Variants in DAO observed in about 807,000 individuals in gnomAD.
The protein encoded by DAO is D-amino-acid oxidase.
Under a neutral mutation model 50.1 loss-of-function variants are expected in DAO, and 51 were observed. That is an observed-to-expected ratio of 1.02 (90% CI 0.81 to 1.29). DAO has a LOEUF of 1.29. Among genes scored for constraint, DAO ranks in the 50% most tolerant of loss-of-function variants. The pLI is 0.00. For missense variants in DAO, 436 were observed against 439.4 expected, an observed-to-expected ratio of 0.99 and a Z score of 0.07; for synonymous variants, 160 against 166.2, an observed-to-expected ratio of 0.96 and a Z score of 0.29.
rs548534034 is a variant in DAO, at chr12:108,884,998, G to T, written c.-9G>T. ...GTGCCTCAACCCTTCCTTCCCACAG[G>T]CTGCTGCAATGCGTGTGGTGGTGAT... On this transcript the variant is annotated splice_region_variant and 5_prime_UTR_variant, in exon 2 of 11. Transcript: ENST00000228476. 3.1e-6 allele frequency: 5 copies of T among 1,613,950 alleles called. No individual in the cohort carries two copies. Among genetic ancestry groups the T allele is most frequent in the Non-Finnish European group, 4.2e-6 (5 of 1,179,958 alleles).
chr12:108,897,136 T>G (rs774160299), intron 8 of DAO, 48 bp downstream of exon 8: 19 of 1,358,548 alleles, frequency 1.4e-5, no homozygotes, highest in Non-Finnish European at 1.7e-5. Flanking sequence ...CTTCATGCCC[T>G]CTTCATGACC....
chr12:108,899,259 G>C, intron 9 of DAO, 118 bp from the exon 10 acceptor site: 1 of 726,020 alleles, frequency 1.4e-6, no homozygotes, highest in Non-Finnish European at 2.5e-6. Flanking sequence ...TGATAAAGAT[G>C]ACTGTGATTA....
At chr12:108,885,760 T>A (rs12229954) in intron 2 of DAO, among the ~76,000 whole-genome samples, 26,091 of 152,140 alleles carry the variant, frequency 0.17, 3,316 homozygotes, top group East Asian at 0.48. Flanking sequence ...TATACATTTT[T>A]ATTTATTTTT....
rs762956163 is a variant in DAO, at chr12:108,898,747, A to G, written c.764A>G (p.Asp255Gly). 4 of 1,614,110 alleles carry G rather than the reference A, an allele frequency of 2.5e-6. No individual in the cohort carries two copies. In the Admixed American group the frequency reaches 5.0e-5, roughly 20 times the overall value. ...TGGAGTGAACTAAACAATATCCAGG[A>G]CCACAACACCATTTGGGAAGGCTGC... is the stretch of plus-strand genomic sequence containing the variant. ...GNWSELNNIQ[D>G]HNTIWEGCCR... is the part of the protein sequence containing the mutation. The change falls in exon 9 of 11, where the codon GAC becomes GGC. Residue 255 changes from aspartate (D) to glycine (G), a missense_variant. Coordinates refer to ENST00000228476, the MANE Select transcript of DAO (RefSeq NM_001917.5).
intron 8 of DAO, among the ~76,000 whole-genome samples, chr12:108,898,236 G>A (rs373099322): frequency 7.9e-5 from 12 of 152,232 alleles, no homozygotes; most frequent in African/African-American, 2.6e-4. Context: ...GTTGATGAAG[G>A]TGTGATTGGG....
In DAO at chr12:108,885,128, C is replaced by T; in HGVS notation, c.122C>T (p.Pro41Leu). Residue 41 changes from proline to leucine, a missense_variant, in exon 2 of 11, where the codon CCA (proline) becomes CTA (leucine). By Grantham distance (98) the Pro-to-Leu change is moderately conservative. Coordinates refer to ENST00000228476, the MANE Select transcript of DAO (RefSeq NM_001917.5). ...DIKVYADRFT[P>L]LTTTDVAAGL... ...AAGGTCTACGCGGACCGCTTCACCC[C>T]ACTCACCACCACCGACGTGGCTGCC... 6.2e-7 allele frequency: 1 copy of T among 1,613,276 alleles called. No individual in the cohort carries two copies. The highest frequency in any genetic ancestry group is 8.5e-7 in the Non-Finnish European group (1 of 1,179,316).
chr12:108,891,228 C>T (rs2137351953), intron 5 of DAO, among the ~76,000 whole-genome samples: 1 of 152,090 alleles, frequency 6.6e-6, no homozygotes, highest in South Asian at 2.1e-4. Context: ...GTGGGCAGAT[C>T]ACTTGAGCCC....
At position 108,896,419 on chromosome 12, in the gene DAO, CAAA is replaced by C. The variant is rs386377704; in HGVS notation, c.613-566_613-564del. On this transcript the variant is annotated intron_variant, in intron 7 of 10. Transcript: ENST00000228476. ...GCCTGGCAACAGAGCGAGGCTGTCT[CAAA>C]AAAAAAAAAAAAAAAAAAAATTGAA... 4.0e-3 allele frequency among the ~76,000 whole-genome samples: 236 copies of C among 59,528 alleles called. 1 individual carries two copies. The highest frequency in any genetic ancestry group is 0.014 in the African/African-American group (220 of 15,722). The allele number at this position is 59,528 out of a possible 152,430, so 39.1% of individuals were successfully genotyped here. A position where few individuals can be genotyped will look rare whatever the true frequency, so the allele number is the denominator to read the frequency against.
rs1344838400 is a variant in DAO at position 108,885,069 on chromosome 12, G to C, written c.63G>C (p.Glu21Asp). The part of the protein sequence containing the change: ...IGLSTALCIH[E>D]RYHSVLQPLD... Reference sequence around the variant, plus strand: ...TGTCCACCGCCCTCTGCATCCATGAGCGCTACCACTCAGTCCTGCAGCCAC... The same window carrying C: ...TGTCCACCGCCCTCTGCATCCATGACCGCTACCACTCAGTCCTGCAGCCAC... Residue 21 changes from glutamate to aspartate, a missense_variant, in exon 2 of 11, where the codon GAG becomes GAC. Physicochemically the swap from Glu to Asp is conservative, Grantham distance 45. Transcript: ENST00000228476. 2.5e-6 allele frequency: 4 copies of C among 1,614,164 alleles called. No homozygotes were observed. Among genetic ancestry groups the C allele is most frequent in the Non-Finnish European group, 2.5e-6 (3 of 1,180,014 alleles).
In DAO at chr12:108,897,048, C is replaced by T. The variant is rs1471712393; in HGVS notation, c.655C>T (p.Pro219Ser). 1.9e-6 allele frequency: 3 copies of T among 1,613,976 alleles called. No homozygotes were observed. Among genetic ancestry groups the T allele is most frequent in the Non-Finnish European group, 2.5e-6 (3 of 1,179,948 alleles). Reference protein sequence around the residue: ...WMKHFILTHDPERGIYNSPYI... With the variant: ...WMKHFILTHDSERGIYNSPYI... ...GAAGCACTTCATTCTCACCCATGAC[C>T]CAGAGAGAGGCATCTACAATTCCCC... Residue 219 changes from proline (P) to serine (S), a missense_variant, in exon 8 of 11, where the codon CCA (proline) becomes TCA (serine). By Grantham distance (74) the Pro-to-Ser change is moderately conservative (BLOSUM62 -1). Coordinates refer to ENST00000228476, the MANE Select transcript of DAO (RefSeq NM_001917.5).
chr12:108,895,890 A>T (rs1214378734), intron 7 of DAO, among the ~76,000 whole-genome samples: 1 of 151,868 alleles, frequency 6.6e-6, no homozygotes, highest in Admixed American at 6.6e-5. Flanking sequence ...CAACCAAATG[A>T]GTGACTGAAG....
At chr12:108,885,625 A>G (rs1801802703) in intron 2 of DAO, among the ~76,000 whole-genome samples, 1 of 152,096 alleles carries the variant, frequency 6.6e-6, no homozygotes, top group African/African-American at 2.4e-5. Flanking sequence ...TAAAGAAAAG[A>G]TTCATAAATA....
At chr12:108,890,125 T>C (rs2039475152) in intron 4 of DAO, 83 bp from the exon 5 acceptor site, 1 of 1,182,812 alleles carries the variant, frequency 8.5e-7, no homozygotes, top group Non-Finnish European at 1.3e-6. Context: ...CAGAACAACA[T>C]TGCTCCCACC....
rs1200738602 is a variant in DAO at position 108,898,738 on chromosome 12, A to G, written c.755A>G (p.Asn252Ser). Reference protein sequence around the residue: ...FQLGNWSELNNIQDHNTIWEG... With the variant: ...FQLGNWSELNSIQDHNTIWEG... ...TTGGGAAACTGGAGTGAACTAAACA[A>G]TATCCAGGACCACAACACCATTTGG... The change falls in exon 9 of 11, where the codon AAT becomes AGT. Residue 252 changes from asparagine (N) to serine (S), a missense_variant. Physicochemically the swap from Asn to Ser is conservative, Grantham distance 46 (BLOSUM62 1). Coordinates refer to ENST00000228476, the MANE Select transcript of DAO (RefSeq NM_001917.5). The G allele has an allele frequency of 5.0e-6, 8 of 1,614,152 alleles. No individual in the cohort carries two copies. The South Asian group carries it at 8.8e-5, about 18-fold the overall frequency.
At chr12:108,882,177 G>A (rs536531696) in intron 1 of DAO, among the ~76,000 whole-genome samples, 1 of 152,272 alleles carries the variant, frequency 6.6e-6, no homozygotes, top group East Asian at 1.9e-4. Context: ...ATATTCCAGT[G>A]AGGAGACAAT....
In DAO at chr12:108,900,821, G is replaced by A; in HGVS notation, c.*286G>A. Reference sequence around the variant, plus strand: ...AGAAAGGACAGCTCAGAAAATCAAAGAGGCCAACTGCCCAGAGCCACAGAA... The same window carrying A: ...AGAAAGGACAGCTCAGAAAATCAAAAAGGCCAACTGCCCAGAGCCACAGAA... On this transcript the variant is annotated 3_prime_UTR_variant, in exon 11 of 11. Coordinates refer to ENST00000228476, the MANE Select transcript of DAO (RefSeq NM_001917.5). The A allele has an allele frequency of 2.6e-6, 1 of 381,328 alleles. No homozygotes were observed. Among genetic ancestry groups the A allele is most frequent in the African/African-American group, 2.1e-5 (1 of 48,088 alleles). The allele number at this position is 381,328 out of a possible 1,614,324, so 23.6% of individuals were successfully genotyped here.
At chr12:108,891,072 C>T (rs1033110348) in intron 5 of DAO, among the ~76,000 whole-genome samples, 44 of 152,294 alleles carry the variant, frequency 2.9e-4, no homozygotes, top group Middle Eastern at 6.8e-3. Flanking sequence ...CTGCCCGCCT[C>T]GGCCTCCCAA....
At chr12:108,888,834 G>A (rs891642995) in intron 3 of DAO, among the ~76,000 whole-genome samples, 4 of 151,978 alleles carry the variant, frequency 2.6e-5, no homozygotes, top group South Asian at 2.1e-4. Context: ...ACTCACCCTC[G>A]GTCTTACTCT....
rs149530387 is a variant in DAO, at chr12:108,884,577, A to G, written c.-9-421A>G. Among the ~76,000 whole-genome samples, 1,020 of 152,258 alleles carry G rather than the reference A, an allele frequency of 6.7e-3. 14 individuals are homozygous for G. Among genetic ancestry groups the G allele is most frequent in the African/African-American group, 0.023 (970 of 41,542 alleles). Reference sequence around the variant, plus strand: ...CATCCCCTCAAGCATAGGTTATTAGAGGTTGAAGCATCTTGCCCAAAGTTA... The same window carrying G: ...CATCCCCTCAAGCATAGGTTATTAGGGGTTGAAGCATCTTGCCCAAAGTTA... On this transcript the variant is annotated intron_variant, in intron 1 of 10. Transcript: ENST00000228476.
Sources: allele counts gnomAD v4.1 joint callset (sites outside exome capture counted in the v4.1 genomes callset), GRCh38; gene constraint gnomAD v4.1.1; transcripts MANE v1.5; gene names NCBI Gene and HGNC (gene_info 2026-07-23, HGNC 2026-07-21).